Variants in DLGAP4 observed in about 807,000 individuals in gnomAD.
DLGAP4 encodes the protein disks large-associated protein 4.
Under a neutral mutation model 86.9 loss-of-function variants are expected in DLGAP4, and 18 were observed. The ratio of observed to expected loss-of-function variants is 0.21; its 90% CI spans 0.14 to 0.31. The LOEUF (loss-of-function observed/expected upper bound fraction) is 0.31. Among genes scored for constraint, DLGAP4 ranks in the 10% least tolerant of loss-of-function variants. The pLI, the probability that DLGAP4 is intolerant of heterozygous loss-of-function variation, is 1.00. For missense variants in DLGAP4, 1,085 were observed against 1,362.6 expected (o/e 0.80, Z 3.21); for synonymous variants, 548 against 574.3 (o/e 0.95, Z 0.65).
At chr20:36,316,535 A>G (rs1268789752) in intron 1 of DLGAP4, among the ~76,000 whole-genome samples, 1 of 152,000 alleles carries the variant, frequency 6.6e-6, no homozygotes, top group Non-Finnish European at 1.5e-5. Context: ...CACATGGGTC[A>G]CCCTACCCCC....
intron 7 of DLGAP4, among the ~76,000 whole-genome samples, chr20:36,468,218 A>C (rs1030500458): frequency 6.6e-6 from 1 of 152,250 alleles, no homozygotes; most frequent in African/African-American, 2.4e-5. Flanking sequence ...GTATATGTCC[A>C]GTCTGATAGT....
intron 1 of DLGAP4, among the ~76,000 whole-genome samples, chr20:36,312,631 C>T (rs1198040344): frequency 6.6e-6 from 1 of 152,144 alleles, no homozygotes; most frequent in African/African-American, 2.4e-5. Context: ...TATTGAGGCA[C>T]TTATGGAGCG....
chr20:36,432,721 G>GTCTC lies in DLGAP4; in HGVS notation c.999+7_999+10dup. 1 of 1,612,060 alleles carries GTCTC rather than the reference G, an allele frequency of 6.2e-7. No individual in the cohort carries two copies. The highest frequency in any genetic ancestry group is 8.5e-7 in the Non-Finnish European group (1 of 1,179,282). On this transcript the variant is annotated splice_donor_region_variant and intron_variant, in intron 3 of 12. Transcript: ENST00000339266. The surrounding 1 kb of genome is among the most constrained non-coding windows in gnomAD (Gnocchi z 6.5). ...CTAGCCTACCATTACCTGCAGGTGG[G>GTCTC]TCTCTGGCAGGGTCAGGGGTGGGAT...
chr20:36,499,747 C>G, intron 9 of DLGAP4, 71 bp downstream of exon 9: 2 of 1,385,566 alleles, frequency 1.4e-6, no homozygotes, highest in Admixed American at 2.0e-5. Flanking sequence ...CTCTCCTGCT[C>G]TCCCTAACCC....
chr20:36,499,373 G>A lies in DLGAP4; in HGVS notation c.2011-215G>A, dbSNP rs750405576. On this transcript the variant is annotated intron_variant, in intron 8 of 12. Coordinates refer to ENST00000339266, the MANE Select transcript of DLGAP4 (RefSeq NM_001365621.2). ...CATCCCACCTCCCGCCCACCTGCCC[G>A]CCCGCCCGCCTGCCCGCCTCCACGC... 97 of 896,518 alleles carry A rather than the reference G, an allele frequency of 1.1e-4. No homozygotes were observed. In the Admixed American group the frequency reaches 3.0e-3, roughly 28 times the overall value. The allele number at this position is 896,518 out of a possible 1,614,324, so 55.5% of individuals were successfully genotyped here.
chr20:36,429,090 T>G (rs551916908), intron 2 of DLGAP4, among the ~76,000 whole-genome samples: 1 of 152,232 alleles, frequency 6.6e-6, no homozygotes, highest in South Asian at 2.1e-4. Context: ...ATTTATGTAT[T>G]TATTTTTGAG....
At chr20:36,342,416 T>C (rs1600415231) in intron 1 of DLGAP4, among the ~76,000 whole-genome samples, 1 of 150,278 alleles carries the variant, frequency 6.7e-6, no homozygotes, top group Admixed American at 6.6e-5. Flanking sequence ...GAAAGGGGAG[T>C]CTGTTTGGGG....
rs1259166095 is a variant in DLGAP4 at position 36,306,821 on chromosome 20, C to A, written c.-304+309C>A. On this transcript the variant is annotated intron_variant, in intron 1 of 12. Coordinates refer to ENST00000339266, the MANE Select transcript of DLGAP4 (RefSeq NM_001365621.2). This position sits in a 1 kb window ranked among gnomAD's most constrained non-coding sequence, Gnocchi z 4.9. The stretch of plus-strand genomic sequence containing the variant: ...CCCTGTCCGGGACCGGATCCCCATT[C>A]CGGCTCTTTTTCCCGCGGACTCCCC... Among the ~76,000 whole-genome samples, 1 of 152,190 alleles carries A rather than the reference C, an allele frequency of 6.6e-6. No individual in the cohort carries two copies. The highest frequency in any genetic ancestry group is 3.2e-3 in the Middle Eastern group (1 of 316).
rs532237646 is a variant in DLGAP4, at chr20:36,466,974, CCT to C, written c.1648+20052_1648+20053del. Reference sequence around the variant, plus strand: ...TCTCTCTCTCTCTCTCTGTCTCTCTCCTCTCTCTCTCTCTCTGTCTCTGTCTC... The same window carrying C: ...TCTCTCTCTCTCTCTCTGTCTCTCTCCTCTCTCTCTCTCTGTCTCTGTCTC... On this transcript the variant is annotated intron_variant, in intron 7 of 12. Transcript: ENST00000339266. Among the ~76,000 whole-genome samples, 901 of 136,208 alleles carry C rather than the reference CCT, an allele frequency of 6.6e-3. 13 individuals carry two copies. The highest frequency in any genetic ancestry group is 0.022 in the African/African-American group (815 of 36,318). 89.4% of individuals were successfully genotyped at this position (136,208 alleles called of 152,430 possible).
intron 1 of DLGAP4, among the ~76,000 whole-genome samples, chr20:36,349,596 G>C (rs150984258): frequency 0.016 from 2,421 of 152,218 alleles, 29 homozygotes; most frequent in Non-Finnish European, 0.025. Context: ...AGTGCGCCTG[G>C]TTTGACAGAG....
chr20:36,504,438 T>C (rs1312299315), intron 10 of DLGAP4, among the ~76,000 whole-genome samples: 2 of 152,232 alleles, frequency 1.3e-5, no homozygotes, highest in African/African-American at 2.4e-5. Flanking sequence ...TTGGGTTGTT[T>C]CCACCTTTTG....
At position 36,431,812 on chromosome 20, in the gene DLGAP4, A is replaced by C; in HGVS notation, c.95A>C (p.Tyr32Ser). The change falls in exon 3 of 13, where the codon TAC (tyrosine) becomes TCC (serine). Residue 32 changes from tyrosine to serine, a missense_variant. Coordinates refer to ENST00000339266, the MANE Select transcript of DLGAP4 (RefSeq NM_001365621.2). The surrounding 1 kb of genome is among the most constrained non-coding windows in gnomAD (Gnocchi z 5.1). ...TTTGCAGGGACCGACCGCAACCCCT[A>C]CCTGCTGTCGCCCACGGAGGCCTTC... ...PLFAGTDRNP[Y>S]LLSPTEAFAR... 6.2e-7 allele frequency: 1 copy of C among 1,613,532 alleles called. No individual in the cohort carries two copies. The highest frequency in any genetic ancestry group is 8.5e-7 in the Non-Finnish European group (1 of 1,179,836).
rs568176999 is a variant in DLGAP4 at position 36,455,004 on chromosome 20, G to A, written c.1648+8067G>A. Among the ~76,000 whole-genome samples, 17 of 152,294 alleles carry A rather than the reference G, an allele frequency of 1.1e-4. No individual in the cohort carries two copies. In the East Asian group the frequency reaches 3.1e-3, roughly 28 times the overall value. On this transcript the variant is annotated intron_variant, in intron 7 of 12. Coordinates refer to ENST00000339266, the MANE Select transcript of DLGAP4 (RefSeq NM_001365621.2). ...AGCTGGGATGGTGGGAGAAGCAGCCGCTATGGATGCGTGCCCCTCCCCAGC... is the reference window on the plus strand; with the variant it reads ...AGCTGGGATGGTGGGAGAAGCAGCCACTATGGATGCGTGCCCCTCCCCAGC...
intron 7 of DLGAP4, chr20:36,461,530 C>T (rs1175290601): frequency 2.0e-5 from 19 of 958,964 alleles, no homozygotes; most frequent in East Asian, 1.1e-4. Flanking sequence ...CGCCGCTGGC[C>T]GCCGCCGCCG....
chr20:36,366,051 G>T (rs1440044566), intron 1 of DLGAP4, among the ~76,000 whole-genome samples: 2 of 152,192 alleles, frequency 1.3e-5, no homozygotes, highest in Admixed American at 6.5e-5. Context: ...TCTGGGAGGG[G>T]TGTGGAATAG....
intron 7 of DLGAP4, among the ~76,000 whole-genome samples, chr20:36,483,532 CAT>C (rs759049613): frequency 1.7e-4 from 26 of 152,296 alleles, no homozygotes; most frequent in East Asian, 5.8e-4. Flanking sequence ...CTCAGAATAA[CAT>C]GTGGGAATTC....
intron 7 of DLGAP4, among the ~76,000 whole-genome samples, chr20:36,458,924 G>A (rs775760092): frequency 2.6e-5 from 4 of 152,120 alleles, no homozygotes; most frequent in African/African-American, 7.2e-5. Flanking sequence ...GAGTGAAGGA[G>A]AACAGCTAAG....
chr20:36,431,610 C>A lies in DLGAP4; in HGVS notation c.-72-36C>A. 2 of 1,300,432 alleles carry A rather than the reference C, an allele frequency of 1.5e-6. No individual in the cohort carries two copies. Among genetic ancestry groups the A allele is most frequent in the Non-Finnish European group, 2.1e-6 (2 of 963,480 alleles). 80.6% of individuals were successfully genotyped at this position (1,300,432 alleles called of 1,614,324 possible). On this transcript the variant is annotated intron_variant, in intron 2 of 12. Coordinates refer to ENST00000339266, the MANE Select transcript of DLGAP4 (RefSeq NM_001365621.2). This position sits in a 1 kb window ranked among gnomAD's most constrained non-coding sequence, Gnocchi z 5.1. ...CCGGCACCCCTCCCCGACAATCCAG[C>A]TGACCAGCTGACCGCTTTCTGTCTT... is the stretch of plus-strand genomic sequence containing the variant.
At chr20:36,342,740 G>A (rs1362247292) in intron 1 of DLGAP4, among the ~76,000 whole-genome samples, 3 of 152,226 alleles carry the variant, frequency 2.0e-5, no homozygotes, top group Non-Finnish European at 1.5e-5. Context: ...CCATGGAGGG[G>A]CCTTTGCTGG....
Sources: allele counts gnomAD v4.1 joint callset (sites outside exome capture counted in the v4.1 genomes callset), GRCh38; gene constraint gnomAD v4.1.1; non-coding constraint Gnocchi (gnomAD v3.1); transcripts MANE v1.5; gene names NCBI Gene and HGNC (gene_info 2026-07-23, HGNC 2026-07-21).